PRMT5: variants seen among roughly 807,000 people sequenced by gnomAD.
PRMT5 encodes the protein protein arginine N-methyltransferase 5.
PRMT5 carries 15 observed loss-of-function variants against 84.0 expected under a neutral mutation model. That is an observed-to-expected ratio of 0.18 (90% CI 0.12 to 0.28). The LOEUF is 0.28. PRMT5 is among the 10% of genes least tolerant of loss of function. The pLI, the probability that PRMT5 is intolerant of heterozygous loss-of-function variation, is 1.00. For missense variants in PRMT5, 486 were observed against 808.0 expected (o/e 0.60, Z 4.83); for synonymous variants, 276 against 292.4 (o/e 0.94, Z 0.57).
rs770792031 is a variant in PRMT5, at chr14:22,929,245, C to T, written c.110+7G>A. ...CCGCATTCCGCTCGTGGAGGTCCGG[C>T]CCTCACCCCTGCTTGGCCACAGCCC... On this transcript the variant is annotated splice_region_variant and intron_variant, in intron 1 of 16. Coordinates refer to ENST00000324366, the MANE Select transcript of PRMT5 (RefSeq NM_006109.5). 9 of 1,613,964 alleles carry T rather than the reference C, an allele frequency of 5.6e-6. No individual in the cohort carries two copies. The South Asian group carries it at 9.9e-5, about 18-fold the overall frequency.
rs989555893 is a variant in PRMT5, at chr14:22,928,935, C to T, written c.110+317G>A. The T allele has an allele frequency of 1.5e-5, 9 of 614,354 alleles. No individual in the cohort carries two copies. Among genetic ancestry groups the T allele is most frequent in the African/African-American group, 9.3e-5 (5 of 54,032 alleles). The allele number at this position is 614,354 out of a possible 1,614,324, so 38.1% of individuals were successfully genotyped here. A position where few individuals can be genotyped will look rare whatever the true frequency, so the allele number is the denominator to read the frequency against. ...TTTGCCCCAGTTCTGCCCATGCCTCCCCCGTCAAAATTAGCCTCTTCTCTC... is the reference window on the plus strand; with the variant it reads ...TTTGCCCCAGTTCTGCCCATGCCTCTCCCGTCAAAATTAGCCTCTTCTCTC... On this transcript the variant is annotated intron_variant, in intron 1 of 16. Coordinates refer to ENST00000324366, the MANE Select transcript of PRMT5 (RefSeq NM_006109.5). This position sits in a 1 kb window ranked among gnomAD's most constrained non-coding sequence, Gnocchi z 4.8.
rs2044481844 is a variant in PRMT5, at chr14:22,928,787, GCCT to G, written c.111-175_111-173del. Among the ~76,000 whole-genome samples, 1 of 152,164 alleles carries G rather than the reference GCCT, an allele frequency of 6.6e-6. No homozygotes were observed. The highest frequency in any genetic ancestry group is 2.4e-5 in the African/African-American group (1 of 41,424). On this transcript the variant is annotated intron_variant, in intron 1 of 16. Transcript: ENST00000324366. The surrounding 1 kb of genome is among the most constrained non-coding windows in gnomAD (Gnocchi z 4.8). ...GGGGATATCAACTCTGCTGTACTGT[GCCT>G]CAATTTCTCCCTAAAACACAGCCAT...
At chr14:22,926,607 C>T in intron 5 of PRMT5, 52 bp from the exon 6 acceptor site, 1 of 1,609,696 alleles carries the variant, frequency 6.2e-7, no homozygotes. Context: ...GCCGACCAAT[C>T]ACCACAGCTC....
chr14:22,928,047 G>C lies in PRMT5; in HGVS notation c.315+79C>G. On this transcript the variant is annotated intron_variant, in intron 3 of 16. Coordinates refer to ENST00000324366, the MANE Select transcript of PRMT5 (RefSeq NM_006109.5). This position sits in a 1 kb window ranked among gnomAD's most constrained non-coding sequence, Gnocchi z 4.8. ...TTCATTCTATCAGTTAATTTACCAAGTTATTGGGGATGGGAGGGGACCACT... is the reference window on the plus strand; with the variant it reads ...TTCATTCTATCAGTTAATTTACCAACTTATTGGGGATGGGAGGGGACCACT... The C allele has an allele frequency of 8.0e-7, 1 of 1,247,652 alleles. No homozygotes were observed. The allele number at this position is 1,247,652 out of a possible 1,614,324, so 77.3% of individuals were successfully genotyped here.
chr14:22,922,850 A>C lies in PRMT5; in HGVS notation c.1486-15T>G, dbSNP rs759316643. 1.2e-6 allele frequency: 2 copies of C among 1,609,156 alleles called. No homozygotes were observed. The highest frequency in any genetic ancestry group is 1.1e-5 in the South Asian group (1 of 90,796). On this transcript the variant is annotated splice_polypyrimidine_tract_variant and intron_variant, in intron 13 of 16. Coordinates refer to ENST00000324366, the MANE Select transcript of PRMT5 (RefSeq NM_006109.5). ...TCAAACTGGGCCTGTCAGAGACAGAAAGAGAGAGAGAGTGTTGGGGAAGAC... is the reference window on the plus strand; with the variant it reads ...TCAAACTGGGCCTGTCAGAGACAGACAGAGAGAGAGAGTGTTGGGGAAGAC...
rs776498194 is a variant in PRMT5 at position 22,924,110 on chromosome 14, C to G, written c.1273G>C (p.Ala425Pro). 1.2e-6 allele frequency: 2 copies of G among 1,613,606 alleles called. No homozygotes were observed. The highest frequency in any genetic ancestry group is 2.7e-5 in the African/African-American group (2 of 74,918). The change falls in exon 12 of 17, where the codon GCT becomes CCT. Residue 425 changes from alanine (A) to proline (P), a missense_variant. Transcript: ENST00000324366. This position sits in a 1 kb window ranked among gnomAD's most constrained non-coding sequence, Gnocchi z 6.5. ...ACAATGATGTCTGCTTTCTCTGGAGCCACCCATTCCCTCATGTCTGATGAG... is the reference window on the plus strand; with the variant it reads ...ACAATGATGTCTGCTTTCTCTGGAGGCACCCATTCCCTCATGTCTGATGAG... Reference protein sequence around the residue: ...VVSSDMREWVAPEKADIIVSE... With the variant: ...VVSSDMREWVPPEKADIIVSE...
At position 22,928,877 on chromosome 14, in the gene PRMT5, TGTCA is replaced by T. The variant is rs955750879; in HGVS notation, c.111-266_111-263del. Among the ~76,000 whole-genome samples the T allele has an allele frequency of 6.6e-6, 1 of 151,390 alleles. No individual in the cohort carries two copies. The highest frequency in any genetic ancestry group is 1.9e-4 in the East Asian group (1 of 5,194). ...CAAGTAGAATTTTTTTCTCCTCAGG[TGTCA>T]GTATGTTTCCAAGACCATCACATCC... On this transcript the variant is annotated intron_variant, in intron 1 of 16. Transcript: ENST00000324366. The surrounding 1 kb of genome is among the most constrained non-coding windows in gnomAD (Gnocchi z 4.8).
rs766938287 is a variant in PRMT5 at position 22,929,334 on chromosome 14, C to T, written c.28G>A (p.Gly10Ser). 5.6e-6 allele frequency: 9 copies of T among 1,611,314 alleles called. No homozygotes were observed. The highest frequency in any genetic ancestry group is 2.2e-5 in the South Asian group (2 of 90,962). ...CTCCCGCTGGACACGCGGCTCCCAC[C>T]AGCACCCCCGACCGCCATCGCCGCC... MAAMAVGGA[G>S]GSRVSSGRDL... The change falls in exon 1 of 17, where the codon GGT (glycine) becomes AGT (serine). Residue 10 changes from glycine (G) to serine (S), a missense_variant. By Grantham distance (56) the Gly-to-Ser change is moderately conservative. This residue lies in a region of PRMT5 where 51 missense variants were observed against 53.8 expected (regional missense o/e 0.95). Transcript: ENST00000324366.
chr14:22,924,491 T>C lies in PRMT5; in HGVS notation c.1064A>G (p.Asp355Gly). The C allele has an allele frequency of 1.9e-6, 3 of 1,614,084 alleles. No homozygotes were observed. The highest frequency in any genetic ancestry group is 2.5e-6 in the Non-Finnish European group (3 of 1,179,960). The stretch of plus-strand genomic sequence containing the variant: ...GGAAAGCACTCACTGGACATTGGTA[T>C]CCTTCTCCTCTTCTGGTACTCGGTC... ...LLDRVPEEEK[D>G]TNVQVLMVLG... Residue 355 changes from aspartate (D) to glycine (G), a missense_variant, in exon 10 of 17, where the codon GAT becomes GGT. Asp to Gly is a moderately conservative substitution (Grantham distance 94). Around this residue, in one of 4 missense-constraint regions of PRMT5, gnomAD observed 219 missense variants for 433.6 expected, o/e 0.51. Transcript: ENST00000324366. The surrounding 1 kb of genome is among the most constrained non-coding windows in gnomAD (Gnocchi z 6.5).
rs2139219478 is a variant in PRMT5, at chr14:22,922,516, A to G, written c.1623T>C (p.Pro541=). Residue 541 remains proline, a synonymous_variant, in exon 15 of 17, where the codon CCT becomes CCC. Transcript: ENST00000324366. ...CATGTAGTACTGTGTTCACCTCCAC[A>G]GGAAATTCCAAGGTGCAATAGCGGT... is the stretch of plus-strand genomic sequence containing the variant. The part of the protein sequence containing the change: ...DNNRYCTLEF[P]VEVNTVLHGF... 1 of 1,614,174 alleles carries G rather than the reference A, an allele frequency of 6.2e-7. No individual in the cohort carries two copies. Among genetic ancestry groups the G allele is most frequent in the Non-Finnish European group, 8.5e-7 (1 of 1,180,002 alleles).
Position 22,924,186 on chromosome 14 carries a change from G to A in PRMT5, c.1200-3C>T. 4 of 1,610,350 alleles carry A rather than the reference G, an allele frequency of 2.5e-6. No individual in the cohort carries two copies. The South Asian group carries it at 3.3e-5, about 13-fold the overall frequency. On this transcript the variant is annotated splice_region_variant and splice_polypyrimidine_tract_variant and intron_variant, in intron 11 of 16. Transcript: ENST00000324366. The surrounding 1 kb of genome is among the most constrained non-coding windows in gnomAD (Gnocchi z 6.5). Reference sequence around the variant, plus strand: ...CTTCAAACTGCCAGTTCTCTAGCCTGAAACAGAGACAATAAGGTAAGGAGA... The same window carrying A: ...CTTCAAACTGCCAGTTCTCTAGCCTAAAACAGAGACAATAAGGTAAGGAGA...
chr14:22,926,856 T>A (rs762041291), intron 4 of PRMT5, 42 bp from the exon 5 acceptor site: 2 of 1,413,886 alleles, frequency 1.4e-6, no homozygotes, highest in East Asian at 4.6e-5. Context: ...TCTTTTGAAC[T>A]CATTGGGTCC....
In PRMT5 at chr14:22,926,541, C is replaced by T. The variant is rs771903656; in HGVS notation, c.578G>A (p.Arg193Gln). Reference protein sequence around the residue: ...EKTWMWWHNFRTLCDYSKRIA... With the variant: ...EKTWMWWHNFQTLCDYSKRIA... ...CCTCTTACTATAGTCACACAAAGTCCGGAAGTTGTGCCACCTGTTCAGTCA... is the reference window on the plus strand; with the variant it reads ...CCTCTTACTATAGTCACACAAAGTCTGGAAGTTGTGCCACCTGTTCAGTCA... Residue 193 changes from arginine (R) to glutamine (Q), a missense_variant, in exon 6 of 17, where the codon CGG (arginine) becomes CAG (glutamine). Arg to Gln is a conservative substitution (Grantham distance 43, BLOSUM62 1). Around this residue, in one of 4 missense-constraint regions of PRMT5, gnomAD observed 215 missense variants for 301.1 expected, o/e 0.71. Transcript: ENST00000324366. The T allele has an allele frequency of 3.1e-6, 5 of 1,614,136 alleles. No homozygotes were observed. Among genetic ancestry groups the T allele is most frequent in the South Asian group, 2.2e-5 (2 of 91,080 alleles).
rs775577695 is a variant in PRMT5, at chr14:22,929,347, C to G, written c.15G>C (p.Ala5=). The change falls in exon 1 of 17, where the codon GCG becomes GCC. Residue 5 remains alanine (A), a synonymous_variant. Transcript: ENST00000324366. The part of the protein sequence containing the change: MAAM[A]VGGAGGSRVS... ...CGCGGCTCCCACCAGCACCCCCGAC[C>G]GCCATCGCCGCCATCTTTCTCCTCG... is the stretch of plus-strand genomic sequence containing the variant. 3.1e-6 allele frequency: 5 copies of G among 1,608,314 alleles called. No individual in the cohort carries two copies. Among genetic ancestry groups the G allele is most frequent in the Non-Finnish European group, 4.2e-6 (5 of 1,178,602 alleles).
rs780689138 is a variant in PRMT5 at position 22,924,942 on chromosome 14, A to C, written c.876T>G (p.Pro292=). ...CAAAGAGTTCATAGGCATTAGGTGG[A>C]GGACGGTTCTGGCTTAAGTATTCCA... ...QYLEYLSQNR[P]PPNAYELFAK... Residue 292 remains proline, a synonymous_variant, in exon 8 of 17, where the codon CCT becomes CCG. Transcript: ENST00000324366. This position sits in a 1 kb window ranked among gnomAD's most constrained non-coding sequence, Gnocchi z 6.5. 2.4e-5 allele frequency: 39 copies of C among 1,614,142 alleles called. No individual in the cohort carries two copies. Among genetic ancestry groups the C allele is most frequent in the South Asian group, 1.6e-4 (15 of 91,082 alleles).
intron 16 of PRMT5, among the ~76,000 whole-genome samples, chr14:22,921,378 C>T (rs182442578): frequency 6.6e-6 from 1 of 152,082 alleles, no homozygotes; most frequent in Admixed American, 6.6e-5. Flanking sequence ...ACTCTACAGG[C>T]AAGAGAAAGG....
In PRMT5 at chr14:22,928,933, T is replaced by C; in HGVS notation, c.111-318A>G. The C allele has an allele frequency of 1.6e-6, 1 of 609,616 alleles. No individual in the cohort carries two copies. Among genetic ancestry groups the C allele is most frequent in the African/African-American group, 1.9e-5 (1 of 53,884 alleles). 37.8% of individuals were successfully genotyped at this position (609,616 alleles called of 1,614,324 possible). A position where few individuals can be genotyped will look rare whatever the true frequency, so the allele number is the denominator to read the frequency against. On this transcript the variant is annotated intron_variant, in intron 1 of 16. Transcript: ENST00000324366. The surrounding 1 kb of genome is among the most constrained non-coding windows in gnomAD (Gnocchi z 4.8). ...GATTTGCCCCAGTTCTGCCCATGCCTCCCCCGTCAAAATTAGCCTCTTCTC... is the reference window on the plus strand; with the variant it reads ...GATTTGCCCCAGTTCTGCCCATGCCCCCCCCGTCAAAATTAGCCTCTTCTC...
chr14:22,924,298 C>T lies in PRMT5; in HGVS notation c.1171G>A (p.Val391Met). The stretch of plus-strand genomic sequence containing the variant: ...ACCACGGCATTTGGGTTTTTCTCCA[C>T]AGCATACAGCTTTATCCGCCGGTCG... ...QADRRIKLYA[V>M]EKNPNAVVTL... The change falls in exon 11 of 17, where the codon GTG becomes ATG. Residue 391 changes from valine to methionine, a missense_variant. Physicochemically the swap from Val to Met is conservative, Grantham distance 21. Transcript: ENST00000324366. This position sits in a 1 kb window ranked among gnomAD's most constrained non-coding sequence, Gnocchi z 6.5. The T allele has an allele frequency of 6.2e-7, 1 of 1,614,180 alleles. No individual in the cohort carries two copies. Among genetic ancestry groups the T allele is most frequent in the Non-Finnish European group, 8.5e-7 (1 of 1,180,020 alleles).
chr14:22,922,416 C>T, intron 15 of PRMT5, 27 bp downstream of exon 15: 2 of 1,561,370 alleles, frequency 1.3e-6, no homozygotes, highest in Non-Finnish European at 8.8e-7. Context: ...CCCTCATACT[C>T]TGCCATCTAC....
Sources: allele counts gnomAD v4.1 joint callset (sites outside exome capture counted in the v4.1 genomes callset), GRCh38; gene constraint gnomAD v4.1.1; regional missense constraint gnomAD v4.1.1; non-coding constraint Gnocchi (gnomAD v3.1); transcripts MANE v1.5; gene names NCBI Gene and HGNC (gene_info 2026-07-23, HGNC 2026-07-21).